TKFC: variants seen among roughly 807,000 people sequenced by gnomAD.
The protein encoded by TKFC is triokinase and FMN cyclase.
Under a neutral mutation model 61.0 loss-of-function variants are expected in TKFC, and 46 were observed. The ratio of observed to expected loss-of-function variants is 0.75; its 90% CI spans 0.60 to 0.96. The LOEUF is 0.96. TKFC is among the 50% of genes least tolerant of loss of function. The pLI, the probability that TKFC is intolerant of heterozygous loss-of-function variation, is 0.00. For missense variants in TKFC, 715 were observed against 777.5 expected (o/e 0.92, Z 0.96); for synonymous variants, 314 against 330.1 (o/e 0.95, Z 0.53).
At chr11:61,350,411 A>G (rs1250513327), downstream of TKFC, 9 of 1,611,312 alleles carry the variant, frequency 5.6e-6, no homozygotes, top group Non-Finnish European at 7.6e-6. Flanking sequence ...ACTCCCCATC[A>G]TGCAGCAGGG....
At chr11:61,351,044 G>C, downstream of TKFC, 1 of 1,614,060 alleles carries the variant, frequency 6.2e-7, no homozygotes, top group Non-Finnish European at 8.5e-7. Flanking sequence ...GAAGCCAGAA[G>C]GATGTAGAGC....
rs1857217730 is a variant in TKFC, at chr11:61,347,884, GCTCA to G, written c.*1388_*1391del. 6.1e-6 allele frequency: 6 copies of G among 984,914 alleles called. No homozygotes were observed. The South Asian group carries it at 1.4e-4, about 23-fold the overall frequency. The allele number at this position is 984,914 out of a possible 1,614,324, so 61.0% of individuals were successfully genotyped here. A position where few individuals can be genotyped will look rare whatever the true frequency, so the allele number is the denominator to read the frequency against. ...CCATAAAGCCCAGCACAGTCCAAGT[GCTCA>G]CTCACTGAGAGTTACGGTTATCACA... On this transcript the variant is annotated 3_prime_UTR_variant, in exon 18 of 18. Transcript: ENST00000394900.
intron 6 of TKFC, 148 bp downstream of exon 6, chr11:61,341,662 G>T: frequency 8.1e-7 from 1 of 1,228,270 alleles, no homozygotes; most frequent in African/African-American, 1.5e-5. Context: ...AGCTCCTGGG[G>T]ACTGGTGGCC....
intron 10 of TKFC, 99 bp downstream of exon 10, chr11:61,342,943 C>A: frequency 7.9e-7 from 1 of 1,263,618 alleles, no homozygotes; most frequent in Non-Finnish European, 1.1e-6. Flanking sequence ...TCAGATAAGC[C>A]TGAGTTAAAT....
intron 1 of TKFC, chr11:61,334,067 G>C (rs1856500992): frequency 6.6e-6 from 1 of 152,466 alleles, no homozygotes; most frequent in Non-Finnish European, 1.5e-5. Context: ...TCCCATAGCA[G>C]AGACTCTGCC....
intron 13 of TKFC, 57 bp downstream of exon 13, chr11:61,344,330 C>T: frequency 6.4e-7 from 1 of 1,553,278 alleles, no homozygotes; most frequent in Non-Finnish European, 8.7e-7. Flanking sequence ...GCCCCCCTTC[C>T]ACTTGTTTCC....
chr11:61,350,838 TC>T (rs1857370186), downstream of TKFC: 1 of 1,106,348 alleles, frequency 9.0e-7, no homozygotes, highest in Non-Finnish European at 1.2e-6. Flanking sequence ...GGACCAGTGC[TC>T]CCCATCAGCC....
At chr11:61,352,669 AG>A, downstream of TKFC, 1 of 574,680 alleles carries the variant, frequency 1.7e-6, no homozygotes, top group Non-Finnish European at 2.4e-6. Context: ...TCAAAAAAAA[AG>A]AAAAAAGAAA....
downstream of TKFC, chr11:61,353,011 G>T (rs564796631): frequency 3.1e-6 from 5 of 1,614,148 alleles, no homozygotes; most frequent in East Asian, 1.1e-4. Context: ...TCTCATTAAT[G>T]CCCGAAATGA....
rs779593587 is a variant in TKFC at position 61,346,546 on chromosome 11, G to A, written c.*43G>A. Reference sequence around the variant, plus strand: ...CTTGGCCTCAGCTCCTCTCACTGCTGTGCTGAGGTGGCCTTTGTCACTTCC... The same window carrying A: ...CTTGGCCTCAGCTCCTCTCACTGCTATGCTGAGGTGGCCTTTGTCACTTCC... On this transcript the variant is annotated 3_prime_UTR_variant, in exon 18 of 18. Coordinates refer to ENST00000394900, the MANE Select transcript of TKFC (RefSeq NM_015533.4). This position sits in a 1 kb window ranked among gnomAD's most constrained non-coding sequence, Gnocchi z 4.1. 6.7e-7 allele frequency: 1 copy of A among 1,503,006 alleles called. No homozygotes were observed. Among genetic ancestry groups the A allele is most frequent in the Non-Finnish European group, 8.9e-7 (1 of 1,126,800 alleles). The allele number at this position is 1,503,006 out of a possible 1,614,324, so 93.1% of individuals were successfully genotyped here. A position where few individuals can be genotyped will look rare whatever the true frequency, so the allele number is the denominator to read the frequency against.
At position 61,347,908 on chromosome 11, in the gene TKFC, A is replaced by G. The variant is rs991191540; in HGVS notation, c.*1405A>G. 54 of 985,406 alleles carry G rather than the reference A, an allele frequency of 5.5e-5. No individual in the cohort carries two copies. The highest frequency in any genetic ancestry group is 6.0e-5 in the Non-Finnish European group (50 of 829,886). 61.0% of individuals were successfully genotyped at this position (985,406 alleles called of 1,614,324 possible). A position where few individuals can be genotyped will look rare whatever the true frequency, so the allele number is the denominator to read the frequency against. Reference sequence around the variant, plus strand: ...TGCTCACTCACTGAGAGTTACGGTTATCACAGGGGTTGGGCCCCCAGCCCC... The same window carrying G: ...TGCTCACTCACTGAGAGTTACGGTTGTCACAGGGGTTGGGCCCCCAGCCCC... On this transcript the variant is annotated 3_prime_UTR_variant, in exon 18 of 18. Transcript: ENST00000394900.
At chr11:61,353,183 C>T (rs1187427734), downstream of TKFC, 1 of 1,546,498 alleles carries the variant, frequency 6.5e-7, no homozygotes, top group East Asian at 2.2e-5. Flanking sequence ...CTATGTGTGA[C>T]CAAAGCACAT....
rs748922355 is a variant in TKFC, at chr11:61,345,749, T to C, written c.1485+4T>C. On this transcript the variant is annotated splice_donor_region_variant and intron_variant, in intron 16 of 17. Transcript: ENST00000394900. ...TGCTCCAGGGGACAGGACTATGGTA[T>C]GTACTCAGGCTGTGGCCTCAGACCT... is the stretch of plus-strand genomic sequence containing the variant. 9.9e-6 allele frequency: 16 copies of C among 1,614,144 alleles called. No individual in the cohort carries two copies. In the East Asian group the frequency reaches 1.1e-4, roughly 11 times the overall value.
rs1857281823 is a variant in TKFC at position 61,349,194 on chromosome 11, TC to T, written c.*2695del. 4.0e-6 allele frequency: 1 copy of T among 247,224 alleles called. No homozygotes were observed. 15.3% of individuals were successfully genotyped at this position (247,224 alleles called of 1,614,324 possible). On this transcript the variant is annotated 3_prime_UTR_variant, in exon 18 of 18. Transcript: ENST00000394900. ...CCTTCCCGCTCTCCACCCTATTTCCTCCCCTGAAGAAGAGCAACAGCTCAAG... is the reference window on the plus strand; with the variant it reads ...CCTTCCCGCTCTCCACCCTATTTCCTCCCTGAAGAAGAGCAACAGCTCAAG...
intron 3 of TKFC, 22 bp from the exon 4 acceptor site, chr11:61,339,044 A>T: frequency 6.2e-7 from 1 of 1,605,192 alleles, no homozygotes; most frequent in Non-Finnish European, 8.5e-7. Flanking sequence ...CAGCATGCTC[A>T]CTCCACTCCT....
chr11:61,347,137 CT>C lies in TKFC; in HGVS notation c.*638del. On this transcript the variant is annotated 3_prime_UTR_variant, in exon 18 of 18. Coordinates refer to ENST00000394900, the MANE Select transcript of TKFC (RefSeq NM_015533.4). Reference sequence around the variant, plus strand: ...GATGCATGTAAGAATGGTAGAGGGGCTTTTCTTAGCATTGAATTAATAATTC... The same window carrying C: ...GATGCATGTAAGAATGGTAGAGGGGCTTTCTTAGCATTGAATTAATAATTC... 6 of 985,424 alleles carry C rather than the reference CT, an allele frequency of 6.1e-6. No individual in the cohort carries two copies. Among genetic ancestry groups the C allele is most frequent in the Non-Finnish European group, 7.2e-6 (6 of 829,972 alleles). 61.0% of individuals were successfully genotyped at this position (985,424 alleles called of 1,614,324 possible).
At chr11:61,349,644 C>G (rs1388363192), downstream of TKFC, 4 of 702,784 alleles carry the variant, frequency 5.7e-6, no homozygotes, top group South Asian at 1.5e-5. Context: ...GTAGCAGCAG[C>G]TGGAAGAGGT....
intron 6 of TKFC, 88 bp downstream of exon 6, chr11:61,341,602 G>A (rs548739513): frequency 2.4e-5 from 35 of 1,441,432 alleles, no homozygotes; most frequent in Admixed American, 1.6e-4. Flanking sequence ...GCTGCCTAGC[G>A]GTGCTCCCCA....
chr11:61,340,292 G>A (rs1237385021), intron 5 of TKFC, among the ~76,000 whole-genome samples: 1 of 149,124 alleles, frequency 6.7e-6, no homozygotes, highest in African/African-American at 2.5e-5. Context: ...GATGACGAGC[G>A]TGAGCCACCG....
Sources: gnomAD v4.1 joint callset for allele counts (sites outside exome capture counted in the v4.1 genomes callset) on GRCh38, gnomAD v4.1.1 for gene constraint, Gnocchi (gnomAD v3.1) non-coding constraint, MANE v1.5 for transcripts, NCBI Gene and HGNC (gene_info 2026-07-23, HGNC 2026-07-21) for gene names.